ERC1: variants seen among roughly 807,000 people sequenced by gnomAD.
ERC1 encodes the protein ELKS/RAB6-interacting/CAST family member 1, also known as RAB6 interacting protein 2.
A neutral mutation model predicts 132.0 loss-of-function variants in ERC1; 56 were observed. That is an observed-to-expected ratio of 0.42 (90% CI 0.34 to 0.53). The LOEUF is 0.53. Among genes scored for constraint, ERC1 ranks in the 20% least tolerant of loss-of-function variants. ERC1 has a pLI of 0.03. For synonymous variants in ERC1, 478 were observed against 476.1 expected (o/e 1.00, Z -0.05); for missense variants, 1,202 against 1,349.9 (o/e 0.89, Z 1.72).
chr12:1,334,686 T>C (rs1357749667), intron 15 of ERC1, among the ~76,000 whole-genome samples: 1 of 152,220 alleles, frequency 6.6e-6, no homozygotes, highest in African/African-American at 2.4e-5. Context: ...GTTTATTCTT[T>C]TTGGGTAGGA....
At chr12:1,021,568 A>G (rs1592743290) in intron 1 of ERC1, among the ~76,000 whole-genome samples, 1 of 151,914 alleles carries the variant, frequency 6.6e-6, no homozygotes, top group East Asian at 1.9e-4. Context: ...GCGTGGTGGC[A>G]CGCACCTGTA....
In ERC1 at chr12:1,408,236, T is replaced by C. The variant is rs745461100; in HGVS notation, c.3013T>C (p.Ser1005Pro). 4 of 1,612,804 alleles carry C rather than the reference T, an allele frequency of 2.5e-6. No individual in the cohort carries two copies. The highest frequency in any genetic ancestry group is 2.5e-6 in the Non-Finnish European group (3 of 1,179,144). ...SHSNQTNHKP[S>P]PDQIIQPLLE... ...TTCCAATCAAACAAATCACAAGCCC[T>C]CCCCAGACCAGGTAAGATGGCTCTG... Residue 1005 changes from serine (S) to proline (P), a missense_variant, in exon 17 of 19, where the codon TCC (serine) becomes CCC (proline). Coordinates refer to ENST00000360905, the MANE Select transcript of ERC1 (RefSeq NM_178040.4).
intron 2 of ERC1, among the ~76,000 whole-genome samples, chr12:1,067,246 G>A (rs1009321272): frequency 1.3e-5 from 2 of 152,152 alleles, no homozygotes; most frequent in African/African-American, 4.8e-5. Flanking sequence ...AGTTTGAAAA[G>A]TTTTTAGTGT....
chr12:1,319,389 C>T (rs2081971670), intron 15 of ERC1, among the ~76,000 whole-genome samples: 1 of 152,174 alleles, frequency 6.6e-6, no homozygotes, highest in Admixed American at 6.5e-5. Flanking sequence ...CTCATTCACT[C>T]ACCCCCAAAG....
chr12:1,148,647 G>T (rs747467347), intron 8 of ERC1, among the ~76,000 whole-genome samples: 6 of 151,928 alleles, frequency 3.9e-5, no homozygotes, highest in Non-Finnish European at 7.4e-5. Context: ...TGTTACCCAG[G>T]CCGGAGTGCA....
chr12:1,421,956 G>T (rs1431093759), intron 17 of ERC1, among the ~76,000 whole-genome samples: 1 of 152,164 alleles, frequency 6.6e-6, no homozygotes, highest in Non-Finnish European at 1.5e-5. Context: ...AACCAGGGAG[G>T]CAGAGGTTGT....
intron 12 of ERC1, among the ~76,000 whole-genome samples, chr12:1,203,417 G>A (rs773376834): frequency 1.3e-5 from 2 of 152,168 alleles, no homozygotes; most frequent in East Asian, 1.9e-4. Context: ...CCAGCAAGTC[G>A]TTTTGTTTCT....
chr12:1,353,669 G>A (rs533615516), intron 15 of ERC1, among the ~76,000 whole-genome samples: 1 of 152,272 alleles, frequency 6.6e-6, no homozygotes, highest in Admixed American at 6.5e-5. Flanking sequence ...TTCATGAATG[G>A]ATCTGTTCTG....
intron 2 of ERC1, among the ~76,000 whole-genome samples, chr12:1,077,806 G>A (rs945860897): frequency 6.6e-6 from 1 of 152,150 alleles, no homozygotes; most frequent in Non-Finnish European, 1.5e-5. Context: ...TGAATATGCT[G>A]GAGAAAGAGT....
intron 2 of ERC1, among the ~76,000 whole-genome samples, chr12:1,034,458 A>G (rs1038036796): frequency 1.3e-5 from 2 of 152,072 alleles, no homozygotes; most frequent in African/African-American, 4.8e-5. Flanking sequence ...ATTAAGAAAT[A>G]TTGTGGAAAA....
intron 12 of ERC1, among the ~76,000 whole-genome samples, chr12:1,206,756 CACTT>C (rs1957385695): frequency 6.6e-6 from 1 of 152,040 alleles, no homozygotes; most frequent in Admixed American, 6.6e-5. Flanking sequence ...TTCTCATTAA[CACTT>C]AGGTCTAAAA....
At chr12:1,384,929 T>C (rs757615958) in intron 16 of ERC1, among the ~76,000 whole-genome samples, 1 of 152,212 alleles carries the variant, frequency 6.6e-6, no homozygotes, top group Non-Finnish European at 1.5e-5. Context: ...ATTTGGAACA[T>C]GTACAGTCTG....
At chr12:1,282,733 G>C (rs1287706698) in intron 14 of ERC1, among the ~76,000 whole-genome samples, 2 of 152,192 alleles carry the variant, frequency 1.3e-5, no homozygotes, top group Non-Finnish European at 2.9e-5. Context: ...CTCCACTCAA[G>C]AGCTTGTTAC....
chr12:1,237,546 C>T (rs1427986877), intron 13 of ERC1, among the ~76,000 whole-genome samples: 1 of 152,170 alleles, frequency 6.6e-6, no homozygotes, highest in African/African-American at 2.4e-5. Flanking sequence ...AAACTAGGCT[C>T]TGGTCATTCA....
At position 1,274,480 on chromosome 12, in the gene ERC1, TTTTATTTA is replaced by T. The variant is rs368234236; in HGVS notation, c.2619+11338_2619+11345del. Among the ~76,000 whole-genome samples the T allele has an allele frequency of 8.7e-4, 131 of 150,224 alleles. 1 individual carries two copies. The highest frequency in any genetic ancestry group is 2.9e-3 in the African/African-American group (119 of 40,484). ...ATCTCGTCTATTTTATTTTATTTTA[TTTTATTTA>T]TTTATTTATTTATTTATTTATTGAG... On this transcript the variant is annotated intron_variant, in intron 14 of 18. Transcript: ENST00000360905.
At chr12:1,113,796 A>G (rs1946146461) in intron 6 of ERC1, among the ~76,000 whole-genome samples, 1 of 152,190 alleles carries the variant, frequency 6.6e-6, no homozygotes, top group Admixed American at 6.5e-5. Flanking sequence ...CTGAATCCAT[A>G]AACAGTACAG....
intron 15 of ERC1, among the ~76,000 whole-genome samples, chr12:1,308,496 A>C (rs887316730): frequency 6.6e-6 from 1 of 152,190 alleles, no homozygotes; most frequent in Admixed American, 6.5e-5. Context: ...GTTTCTTGGC[A>C]GTAGGACAGA....
At chr12:1,408,593 C>T (rs771006663) in intron 17 of ERC1, among the ~76,000 whole-genome samples, 16 of 152,132 alleles carry the variant, frequency 1.1e-4, no homozygotes, top group African/African-American at 3.9e-4. Flanking sequence ...AGAAATAGTG[C>T]CTTATTAGAA....
At chr12:1,426,605 C>T (rs1222632680) in intron 17 of ERC1, among the ~76,000 whole-genome samples, 1 of 152,196 alleles carries the variant, frequency 6.6e-6, no homozygotes, top group African/African-American at 2.4e-5. Context: ...CTAGACTATA[C>T]AGCTTTTGCC....
Sources: allele counts gnomAD v4.1 joint callset (sites outside exome capture counted in the v4.1 genomes callset), GRCh38; gene constraint gnomAD v4.1.1; transcripts MANE v1.5; gene names NCBI Gene and HGNC (gene_info 2026-07-23, HGNC 2026-07-21).